The following CNTNAP2 variants were observed in gnomAD, a reference collection of about 807,000 sequenced individuals.
The protein encoded by CNTNAP2 is contactin associated protein 2.
A neutral mutation model predicts 155.2 loss-of-function variants in CNTNAP2; 98 were observed. The observed-to-expected ratio is 0.63, with a 90% CI of 0.54 to 0.75. CNTNAP2 has a LOEUF of 0.75. Ranked by LOEUF, CNTNAP2 falls within the 30% of genes least tolerant of loss-of-function variation. CNTNAP2 has a pLI of 0.00. For missense variants in CNTNAP2, 1,727 were observed against 1,688.1 expected (o/e 1.02, Z -0.40); for synonymous variants, 651 against 631.2 (o/e 1.03, Z -0.47).
chr7:147,169,697 T>C (rs1353153821), intron 8 of CNTNAP2, among the ~76,000 whole-genome samples: 1 of 152,114 alleles, frequency 6.6e-6, no homozygotes, highest in Non-Finnish European at 1.5e-5. Context: ...GGATAAATTC[T>C]TGGAAGCCCA....
chr7:146,944,235 T>TTTTC (rs1797110963), intron 3 of CNTNAP2, among the ~76,000 whole-genome samples: 4 of 151,274 alleles, frequency 2.6e-5, no homozygotes, highest in Non-Finnish European at 1.5e-5. Flanking sequence ...TTTTTTTTTT[T>TTTTC]CAAATTGTTG....
intron 1 of CNTNAP2, among the ~76,000 whole-genome samples, chr7:146,316,682 A>G (rs1800911710): frequency 6.6e-6 from 1 of 152,170 alleles, no homozygotes; most frequent in Non-Finnish European, 1.5e-5. Flanking sequence ...ACGTTTACGC[A>G]AAGGATAAGC....
At chr7:146,406,690 A>G (rs1371027941) in intron 1 of CNTNAP2, among the ~76,000 whole-genome samples, 1 of 152,100 alleles carries the variant, frequency 6.6e-6, no homozygotes, top group Non-Finnish European at 1.5e-5. Context: ...CATCACACAG[A>G]GGGGACTACA....
At chr7:146,712,962 G>C (rs1381331664) in intron 1 of CNTNAP2, among the ~76,000 whole-genome samples, 1 of 151,510 alleles carries the variant, frequency 6.6e-6, no homozygotes, top group Non-Finnish European at 1.5e-5. Context: ...TCTTCACGCT[G>C]ACCTGTACCC....
intron 1 of CNTNAP2, among the ~76,000 whole-genome samples, chr7:146,281,890 G>A (rs1012425118): frequency 6.6e-6 from 1 of 152,076 alleles, no homozygotes; most frequent in African/African-American, 2.4e-5. Flanking sequence ...ATGAAATAAT[G>A]TGCATAAAAT....
intron 3 of CNTNAP2, among the ~76,000 whole-genome samples, chr7:146,948,197 G>A (rs1797230653): frequency 6.6e-6 from 1 of 151,448 alleles, no homozygotes; most frequent in African/African-American, 2.4e-5. Context: ...TTAAAACAAG[G>A]GCCAAATATT....
chr7:147,064,918 A>G (rs1473850031), intron 4 of CNTNAP2, among the ~76,000 whole-genome samples: 1 of 152,186 alleles, frequency 6.6e-6, no homozygotes, highest in Non-Finnish European at 1.5e-5. Flanking sequence ...CAAATTCCTT[A>G]TGAAATAAGC....
intron 17 of CNTNAP2, among the ~76,000 whole-genome samples, chr7:148,157,011 C>T (rs934351278): frequency 2.0e-5 from 3 of 152,188 alleles, no homozygotes; most frequent in Non-Finnish European, 4.4e-5. Context: ...AATGGGAACG[C>T]TTCAGCAATG....
intron 9 of CNTNAP2, among the ~76,000 whole-genome samples, chr7:147,351,848 AG>A: frequency 6.6e-6 from 1 of 152,096 alleles, no homozygotes; most frequent in African/African-American, 2.4e-5. Context: ...CCCCAAGACA[AG>A]AAGTTCTTAT....
intron 14 of CNTNAP2, among the ~76,000 whole-genome samples, chr7:147,905,718 A>C (rs1381463824): frequency 5.3e-5 from 8 of 152,192 alleles, no homozygotes; most frequent in Non-Finnish European, 8.8e-5. Context: ...CCCCGTCTCT[A>C]CTAAACATAG....
intron 15 of CNTNAP2, among the ~76,000 whole-genome samples, chr7:148,016,183 C>T (rs930889823): frequency 3.3e-5 from 5 of 152,234 alleles, no homozygotes; most frequent in African/African-American, 9.6e-5. Flanking sequence ...CCAATCTCCA[C>T]GTCCTTTGTA....
At chr7:147,609,260 G>A (rs1034294835) in intron 12 of CNTNAP2, among the ~76,000 whole-genome samples, 3 of 152,158 alleles carry the variant, frequency 2.0e-5, no homozygotes, top group Admixed American at 6.5e-5. Flanking sequence ...GGCCGGGCGC[G>A]GTGGCTCACG....
At chr7:146,568,686 T>G (rs1018210737) in intron 1 of CNTNAP2, among the ~76,000 whole-genome samples, 4 of 152,134 alleles carry the variant, frequency 2.6e-5, no homozygotes, top group African/African-American at 9.7e-5. Context: ...TTTTACAGAT[T>G]CTACTGATTT....
At chr7:147,097,606 C>T (rs1414197056) in intron 4 of CNTNAP2, 2 of 152,148 alleles carry the variant, frequency 1.3e-5, no homozygotes, top group African/African-American at 4.8e-5. Context: ...GAAACGGTCC[C>T]TATGATTCAG....
At chr7:147,797,710 C>A (rs1169034319) in intron 13 of CNTNAP2, among the ~76,000 whole-genome samples, 1 of 152,052 alleles carries the variant, frequency 6.6e-6, no homozygotes, top group Non-Finnish European at 1.5e-5. Flanking sequence ...TAATGCATAT[C>A]CATTCTGAGA....
intron 13 of CNTNAP2, among the ~76,000 whole-genome samples, chr7:147,798,193 A>G (rs1270749215): frequency 6.6e-6 from 1 of 152,198 alleles, no homozygotes; most frequent in Non-Finnish European, 1.5e-5. Flanking sequence ...TGATGGTGTA[A>G]CTTGAGTAGG....
intron 1 of CNTNAP2, among the ~76,000 whole-genome samples, chr7:146,561,082 C>T (rs1798272628): frequency 6.6e-6 from 1 of 152,146 alleles, no homozygotes; most frequent in Admixed American, 6.5e-5. Flanking sequence ...ATTATAATGT[C>T]AAAGGTAGAA....
intron 1 of CNTNAP2, among the ~76,000 whole-genome samples, chr7:146,502,224 AATATAT>A (rs59759183): frequency 0.027 from 2,535 of 94,678 alleles, 99 homozygotes; most frequent in African/African-American, 0.1. Flanking sequence ...TATATATATG[AATATAT>A]ATATATATAT....
At chr7:146,970,553 A>C (rs1302498098) in intron 3 of CNTNAP2, among the ~76,000 whole-genome samples, 1 of 152,208 alleles carries the variant, frequency 6.6e-6, no homozygotes, top group African/African-American at 2.4e-5. Flanking sequence ...ATAAAAAGTC[A>C]GGAAACAACA....
Sources: gnomAD v4.1 joint callset for allele counts (sites outside exome capture counted in the v4.1 genomes callset) on GRCh38, gnomAD v4.1.1 for gene constraint, MANE v1.5 for transcripts, NCBI Gene and HGNC (gene_info 2026-07-23, HGNC 2026-07-21) for gene names.